Variants in DLGAP2 observed in about 807,000 individuals in gnomAD.
DLGAP2 encodes DLG associated protein 2.
Under a neutral mutation model 100.3 loss-of-function variants are expected in DLGAP2, and 26 were observed. That is an observed-to-expected ratio of 0.26 (90% CI 0.19 to 0.36). The LOEUF (loss-of-function observed/expected upper bound fraction) is 0.36, where lower values mean the gene tolerates loss of function less well. Ranked by LOEUF, DLGAP2 falls within the 10% of genes least tolerant of loss-of-function variation. The pLI, the probability that DLGAP2 is intolerant of heterozygous loss-of-function variation, is 1.00. For synonymous variants in DLGAP2, 886 were observed against 630.1 expected, an observed-to-expected ratio of 1.41 and a Z score of -6.08; for missense variants, 1,858 against 1,453.2, an observed-to-expected ratio of 1.28 and a Z score of -4.53.
chr8:1,182,520 G>A (rs1797412120), intron 2 of DLGAP2, among the ~76,000 whole-genome samples: 1 of 152,198 alleles, frequency 6.6e-6, no homozygotes, highest in Non-Finnish European at 1.5e-5. Context: ...TGCATTTAAT[G>A]CTCACACGTG....
At chr8:770,994 GT>G (rs1269276377) in intron 1 of DLGAP2, among the ~76,000 whole-genome samples, 3 of 151,978 alleles carry the variant, frequency 2.0e-5, no homozygotes, top group Non-Finnish European at 2.9e-5. Context: ...ACTGCTAGAT[GT>G]TTTTATGATG....
chr8:786,674 C>T (rs1343899072), intron 1 of DLGAP2, among the ~76,000 whole-genome samples: 5 of 152,052 alleles, frequency 3.3e-5, no homozygotes, highest in African/African-American at 9.6e-5. Flanking sequence ...GGAGGGGCCT[C>T]GCTGCTGGCT....
intron 3 of DLGAP2, chr8:1,295,918 T>A (rs1800161879): frequency 6.6e-6 from 1 of 152,224 alleles, no homozygotes; most frequent in Non-Finnish European, 1.5e-5. Context: ...CGTCACAACA[T>A]GCCTGCAGGC....
chr8:1,217,805 G>T (rs944994211), intron 2 of DLGAP2, among the ~76,000 whole-genome samples: 2 of 152,126 alleles, frequency 1.3e-5, no homozygotes, highest in Non-Finnish European at 2.9e-5. Flanking sequence ...ATTCTGACTG[G>T]TGTGAGAGGG....
At chr8:1,112,950 T>C (rs1038102502) in intron 2 of DLGAP2, among the ~76,000 whole-genome samples, 1 of 152,240 alleles carries the variant, frequency 6.6e-6, no homozygotes, top group African/African-American at 2.4e-5. Flanking sequence ...GCACCCTTTG[T>C]TGACTAGGGA....
chr8:1,455,390 C>G (rs1489989293), intron 3 of DLGAP2, among the ~76,000 whole-genome samples: 2 of 152,214 alleles, frequency 1.3e-5, no homozygotes, highest in Non-Finnish European at 2.9e-5. Flanking sequence ...CCCCCTGCCC[C>G]TCGGGGTCCC....
intron 3 of DLGAP2, among the ~76,000 whole-genome samples, chr8:1,409,798 C>A (rs944411432): frequency 2.6e-5 from 4 of 152,172 alleles, no homozygotes; most frequent in African/African-American, 7.2e-5. Flanking sequence ...TCATCTTCTC[C>A]TGCCCTCCAC....
rs74506243 is a variant in DLGAP2 at position 1,370,981 on chromosome 8, A to G, written c.106+112098A>G. Among the ~76,000 whole-genome samples, 1,040 of 152,358 alleles carry G rather than the reference A, an allele frequency of 6.8e-3. 20 individuals carry two copies. The highest frequency in any genetic ancestry group is 0.024 in the African/African-American group (1,005 of 41,580). On this transcript the variant is annotated intron_variant, in intron 3 of 14. Transcript: ENST00000637795. The stretch of plus-strand genomic sequence containing the variant: ...TTAGGCGCCTAGAACAGCGCTTTAC[A>G]CCATGGATAGTAAGTAGTTTATGTG...
intron 2 of DLGAP2, among the ~76,000 whole-genome samples, chr8:1,087,429 C>T (rs1278725512): frequency 6.6e-6 from 1 of 152,214 alleles, no homozygotes; most frequent in African/African-American, 2.4e-5. Context: ...GCTCCTTTCT[C>T]AAGGCTGTGA....
chr8:1,250,576 A>G (rs1358428953), intron 2 of DLGAP2: 1 of 152,136 alleles, frequency 6.6e-6, no homozygotes, highest in African/African-American at 2.4e-5. Context: ...TGAGCAGGTA[A>G]TTATCTCGGT....
intron 1 of DLGAP2, among the ~76,000 whole-genome samples, chr8:755,452 G>A (rs1820896321): frequency 6.6e-6 from 1 of 152,144 alleles, no homozygotes; most frequent in Admixed American, 6.5e-5. Context: ...GCAAGACCCT[G>A]TCTCAAAAAG....
At chr8:1,006,955 C>T (rs189842111) in intron 2 of DLGAP2, among the ~76,000 whole-genome samples, 29 of 151,794 alleles carry the variant, frequency 1.9e-4, no homozygotes, top group African/African-American at 3.4e-4. Flanking sequence ...TTTATCACGT[C>T]GGGGACACCG....
intron 2 of DLGAP2, among the ~76,000 whole-genome samples, chr8:945,840 G>C (rs965086842): frequency 2.2e-4 from 33 of 151,748 alleles, no homozygotes; most frequent in Admixed American, 4.6e-4. Flanking sequence ...CTCTCTCTCT[G>C]CGTGTGTCTC....
chr8:1,145,508 C>A (rs1292622574), intron 2 of DLGAP2, among the ~76,000 whole-genome samples: 1 of 152,006 alleles, frequency 6.6e-6, no homozygotes, highest in African/African-American at 2.4e-5. Context: ...CGTCAACAGA[C>A]CCCTCTCCTC....
intron 2 of DLGAP2, among the ~76,000 whole-genome samples, chr8:1,097,548 T>G (rs1478473915): frequency 3.9e-3 from 272 of 70,548 alleles, no homozygotes; most frequent in African/African-American, 4.6e-3. Context: ...CTCTGCTCAG[T>G]AGAGTGGAGC....
At chr8:893,993 A>C (rs1007992073) in intron 1 of DLGAP2, among the ~76,000 whole-genome samples, 1 of 152,158 alleles carries the variant, frequency 6.6e-6, no homozygotes, top group Non-Finnish European at 1.5e-5. Context: ...CTTCGAGGTC[A>C]CCCAGGCCGT....
chr8:1,517,389 A>T (rs1243233398), intron 4 of DLGAP2, among the ~76,000 whole-genome samples: 1 of 152,030 alleles, frequency 6.6e-6, no homozygotes, highest in Non-Finnish European at 1.5e-5. Context: ...GGCCGTGGTG[A>T]GGGGCACCCC....
chr8:829,299 C>T (rs1279897459), intron 1 of DLGAP2, among the ~76,000 whole-genome samples: 1 of 152,212 alleles, frequency 6.6e-6, no homozygotes, highest in Non-Finnish European at 1.5e-5. Flanking sequence ...ATTTGTCAGT[C>T]TCTTTTCTGA....
intron 2 of DLGAP2, among the ~76,000 whole-genome samples, chr8:1,082,546 A>G (rs537155075): frequency 1.3e-5 from 2 of 152,176 alleles, no homozygotes; most frequent in South Asian, 2.1e-4. Flanking sequence ...CTCGGAACAC[A>G]CATGTCAAAG....
Sources: allele counts gnomAD v4.1 joint callset (sites outside exome capture counted in the v4.1 genomes callset), GRCh38; gene constraint gnomAD v4.1.1; transcripts MANE v1.5; gene names NCBI Gene and HGNC (gene_info 2026-07-23, HGNC 2026-07-21).